ERG: variants seen among roughly 807,000 people sequenced by gnomAD.
ERG encodes the protein ETS transcription factor ERG.
In ERG, 9 loss-of-function variants were observed where a neutral mutation model predicts 55.3. The ratio of observed to expected loss-of-function variants is 0.16; its 90% CI spans 0.10 to 0.28. ERG has a LOEUF of 0.28. ERG is among the 10% of genes least tolerant of loss of function. The pLI is 1.00. For synonymous variants in ERG, 223 were observed against 237.3 expected (o/e 0.94, Z 0.55); for missense variants, 434 against 631.6 (o/e 0.69, Z 3.35).
chr21:38,408,204 C>T (rs995833059), intron 3 of ERG, among the ~76,000 whole-genome samples: 17 of 152,140 alleles, frequency 1.1e-4, no homozygotes, highest in Non-Finnish European at 4.4e-5. Flanking sequence ...CACCACTCTC[C>T]CAGACCCACT....
chr21:38,622,018 CT>C (rs766384911), intron 1 of ERG, among the ~76,000 whole-genome samples: 8 of 152,238 alleles, frequency 5.3e-5, no homozygotes, highest in Non-Finnish European at 1.2e-4. Flanking sequence ...ATCCAGGAGC[CT>C]GCAGGAGCCT....
chr21:38,528,639 G>A (rs7277105), intron 2 of ERG, among the ~76,000 whole-genome samples: 13,201 of 63,930 alleles, frequency 0.21, 3,965 homozygotes, highest in Middle Eastern at 0.32. Context: ...TAGTAGAGAC[G>A]GGGTTTCACC....
At chr21:38,552,900 C>A (rs1234472374) in intron 2 of ERG, among the ~76,000 whole-genome samples, 3 of 150,522 alleles carry the variant, frequency 2.0e-5, no homozygotes, top group African/African-American at 7.3e-5. Context: ...GGAAGTCAAA[C>A]TATCTCTCTT....
At chr21:38,660,247 G>A (rs1383563820) in intron 1 of ERG, among the ~76,000 whole-genome samples, 1 of 152,232 alleles carries the variant, frequency 6.6e-6, no homozygotes. Flanking sequence ...CTCTTGGTCG[G>A]GGCCCCAGAT....
intron 2 of ERG, among the ~76,000 whole-genome samples, chr21:38,429,494 T>C (rs139121659): frequency 0.087 from 9,029 of 103,862 alleles, 3,440 homozygotes; most frequent in South Asian, 0.2. Flanking sequence ...TATGCACATG[T>C]ACATATATAC....
At chr21:38,473,706 TAAATG>T (rs768914652) in intron 1 of ERG, among the ~76,000 whole-genome samples, 27 of 152,174 alleles carry the variant, frequency 1.8e-4, no homozygotes, top group Non-Finnish European at 3.4e-4. Context: ...GAAATGAAGT[TAAATG>T]TATGGTACAG....
At chr21:38,538,207 G>C (rs530243223) in intron 2 of ERG, among the ~76,000 whole-genome samples, 1 of 152,150 alleles carries the variant, frequency 6.6e-6, no homozygotes, top group Non-Finnish European at 1.5e-5. Flanking sequence ...ATGGGTTGGA[G>C]TGTCAGTGTA....
intron 1 of ERG, among the ~76,000 whole-genome samples, chr21:38,628,143 T>C (rs2060336569): frequency 6.6e-6 from 1 of 151,988 alleles, no homozygotes; most frequent in Non-Finnish European, 1.5e-5. Context: ...AGAGACAGGG[T>C]TTTGCGATGT....
chr21:38,493,865 C>T (rs938342692), intron 1 of ERG, among the ~76,000 whole-genome samples: 2 of 152,184 alleles, frequency 1.3e-5, no homozygotes, highest in Non-Finnish European at 2.9e-5. Flanking sequence ...TGTGGGAGGC[C>T]GCACATCAGA....
chr21:38,644,360 C>G (rs1420114788), intron 1 of ERG, among the ~76,000 whole-genome samples: 5 of 152,110 alleles, frequency 3.3e-5, no homozygotes, highest in Non-Finnish European at 5.9e-5. Context: ...AATTGATTTT[C>G]TTAAAGGAGA....
chr21:38,579,948 G>A (rs948260805), intron 1 of ERG, among the ~76,000 whole-genome samples: 3 of 151,914 alleles, frequency 2.0e-5, no homozygotes, highest in African/African-American at 7.3e-5. Context: ...AGCCTCCCAA[G>A]TAGCTGGGAC....
chr21:38,643,895 C>T lies in ERG; in HGVS notation c.-150+17763G>A, dbSNP rs138334681. 2.0e-4 allele frequency among the ~76,000 whole-genome samples: 31 copies of T among 152,384 alleles called. No individual in the cohort carries two copies. In the East Asian group the frequency reaches 6.0e-3, roughly 29 times the overall value. On this transcript the variant is annotated intron_variant, in intron 1 of 10. Transcript: ENST00000398910. ...CCACGTGGGGCAGGAAGAACACACA[C>T]TGTCCAGGCAGTGAGTAACTGAAAA...
At chr21:38,545,971 A>T (rs1490446899) in intron 2 of ERG, among the ~76,000 whole-genome samples, 1 of 152,122 alleles carries the variant, frequency 6.6e-6, no homozygotes, top group Admixed American at 6.5e-5. Context: ...ATCCTTCTCC[A>T]TGAAACTTCT....
intron 5 of ERG, among the ~76,000 whole-genome samples, chr21:38,401,706 G>T (rs1988503093): frequency 6.6e-6 from 1 of 152,150 alleles, no homozygotes. Flanking sequence ...GAGGGTCCCT[G>T]CAGCTAACAG....
chr21:38,577,940 C>G (rs1315597312), intron 1 of ERG, among the ~76,000 whole-genome samples: 1 of 152,224 alleles, frequency 6.6e-6, no homozygotes, highest in Non-Finnish European at 1.5e-5. Context: ...ACCTGCAGAA[C>G]ACAGCAGAGG....
rs192278169 is a variant in ERG, at chr21:38,552,139, A to C, written c.-41+23523T>G. ...GATCATTGTTGGTTTAAAGTCTGAA[A>C]TTGAAACGCTGAACAGACCAATAAC... On this transcript the variant is annotated intron_variant, in intron 2 of 8. Coordinates refer to the ERG transcript ENST00000398897. 2.2e-3 allele frequency among the ~76,000 whole-genome samples: 335 copies of C among 152,182 alleles called. 3 individuals are homozygous for C. The highest frequency in any genetic ancestry group is 2.6e-3 in the Non-Finnish European group (179 of 67,944).
chr21:38,380,154 C>G lies in ERG; in HGVS notation c.*3249G>C. The G allele has an allele frequency of 9.6e-7, 1 of 1,042,994 alleles. No individual in the cohort carries two copies. The allele number at this position is 1,042,994 out of a possible 1,614,324, so 64.6% of individuals were successfully genotyped here. ...TTAAAAAATATTTTCTTCTCTTTCT[C>G]CAGGCAATGGGTCACTTTGGGGCGC... On this transcript the variant is annotated 3_prime_UTR_variant, in exon 10 of 10. Coordinates refer to ENST00000288319, the MANE Select transcript of ERG (RefSeq NM_182918.4).
intron 6 of ERG, among the ~76,000 whole-genome samples, chr21:38,397,522 C>A (rs1169823316): frequency 2.2e-5 from 3 of 133,720 alleles, no homozygotes; most frequent in African/African-American, 5.5e-5. Context: ...CACTTGAACT[C>A]GGGAGGCAGA....
chr21:38,631,361 G>GA (rs544232885), intron 1 of ERG, among the ~76,000 whole-genome samples: 60 of 150,164 alleles, frequency 4.0e-4, no homozygotes, highest in South Asian at 1.5e-3. Flanking sequence ...AAATTTGGTT[G>GA]AAAAAAAAAG....
Sources: allele counts gnomAD v4.1 joint callset (sites outside exome capture counted in the v4.1 genomes callset), GRCh38; gene constraint gnomAD v4.1.1; transcripts MANE v1.5; gene names NCBI Gene and HGNC (gene_info 2026-07-23, HGNC 2026-07-21).